DLG1: variants seen among roughly 807,000 people sequenced by gnomAD.
DLG1 encodes discs large MAGUK scaffold protein 1.
DLG1 carries 42 observed loss-of-function variants against 123.4 expected under a neutral mutation model. That is an observed-to-expected ratio of 0.34 (90% CI 0.27 to 0.44). The LOEUF (loss-of-function observed/expected upper bound fraction) is 0.44, where lower values mean the gene tolerates loss of function less well. Among genes scored for constraint, DLG1 ranks in the 20% least tolerant of loss-of-function variants. DLG1 has a pLI of 1.00. For missense variants in DLG1, 942 were observed against 1,082.6 expected, an observed-to-expected ratio of 0.87 and a Z score of 1.82; for synonymous variants, 317 against 356.2, an observed-to-expected ratio of 0.89 and a Z score of 1.24.
At chr3:197,258,353 A>C (rs894243338) in intron 4 of DLG1, among the ~76,000 whole-genome samples, 1 of 147,300 alleles carries the variant, frequency 6.8e-6, no homozygotes. Flanking sequence ...TGGTTTAGTC[A>C]TCACATCTCA....
At chr3:197,288,883 C>T (rs1047183555) in intron 3 of DLG1, among the ~76,000 whole-genome samples, 2 of 151,854 alleles carry the variant, frequency 1.3e-5, no homozygotes, top group Non-Finnish European at 2.9e-5. Context: ...TATACAAATA[C>T]AACTGCAGTA....
At chr3:197,290,434 TGACTATAG>T (rs1774265861) in intron 3 of DLG1, among the ~76,000 whole-genome samples, 1 of 151,976 alleles carries the variant, frequency 6.6e-6, no homozygotes, top group Non-Finnish European at 1.5e-5. Flanking sequence ...TAAAAAACAA[TGACTATAG>T]GATACAGAAT....
At position 197,065,783 on chromosome 3, in the gene DLG1, A is replaced by G. The variant is rs1216211511; in HGVS notation, c.2125T>C (p.Leu709=). ...EVNYTRPVII[L]GPMKDRINDD... ...TTTATCCTGTCTTTCATAGGTCCCAATATGATCACTGGTCGAGTATAATTA... is the reference window on the plus strand; with the variant it reads ...TTTATCCTGTCTTTCATAGGTCCCAGTATGATCACTGGTCGAGTATAATTA... The change falls in exon 21 of 25, where the codon TTG becomes CTG. Residue 709 remains leucine, a synonymous_variant. Coordinates refer to ENST00000667157, the MANE Select transcript of DLG1 (RefSeq NM_001366207.1). 5 of 1,606,690 alleles carry G rather than the reference A, an allele frequency of 3.1e-6. No individual in the cohort carries two copies. The highest frequency in any genetic ancestry group is 4.3e-6 in the Non-Finnish European group (5 of 1,174,588).
rs566776219 is a variant in DLG1 at position 197,144,837 on chromosome 3, G to T, written c.538-2069C>A. On this transcript the variant is annotated intron_variant, in intron 6 of 24. Coordinates refer to ENST00000667157, the MANE Select transcript of DLG1 (RefSeq NM_001366207.1). Reference sequence around the variant, plus strand: ...TTATAAAGGCATTTATATAGAGAGAGTTGGGATTTCACTCTGTTACCCAGG... The same window carrying T: ...TTATAAAGGCATTTATATAGAGAGATTTGGGATTTCACTCTGTTACCCAGG... 8.7e-4 allele frequency among the ~76,000 whole-genome samples: 132 copies of T among 152,296 alleles called. 1 individual carries two copies. Among genetic ancestry groups the T allele is most frequent in the African/African-American group, 3.1e-3 (127 of 41,556 alleles).
intron 4 of DLG1, among the ~76,000 whole-genome samples, chr3:197,249,633 C>T (rs182316579): frequency 1.3e-5 from 2 of 152,266 alleles, no homozygotes; most frequent in Non-Finnish European, 2.9e-5. Context: ...CAGGCCAATA[C>T]CACTGATTAT....
At chr3:197,289,910 T>A (rs530338359) in intron 3 of DLG1, among the ~76,000 whole-genome samples, 4 of 152,216 alleles carry the variant, frequency 2.6e-5, no homozygotes, top group Admixed American at 6.5e-5. Flanking sequence ...GAATCATACA[T>A]GACTCACAAG....
At chr3:197,278,850 A>G (rs964945611) in intron 4 of DLG1, among the ~76,000 whole-genome samples, 4 of 152,230 alleles carry the variant, frequency 2.6e-5, no homozygotes, top group African/African-American at 9.6e-5. Flanking sequence ...ACTTTTAGCA[A>G]AAATAATCCT....
intron 4 of DLG1, among the ~76,000 whole-genome samples, chr3:197,237,053 G>T (rs1746344038): frequency 6.6e-6 from 1 of 152,062 alleles, no homozygotes; most frequent in South Asian, 2.1e-4. Flanking sequence ...GCTCAGATCA[G>T]AATGTGGAAG....
At chr3:197,290,806 G>A (rs1156877885) in intron 3 of DLG1, among the ~76,000 whole-genome samples, 2 of 150,854 alleles carry the variant, frequency 1.3e-5, no homozygotes, top group Non-Finnish European at 2.9e-5. Context: ...CCTGAGGCAG[G>A]AGGATTGCTT....
chr3:197,173,762 T>C (rs1805537377), intron 5 of DLG1, among the ~76,000 whole-genome samples: 1 of 152,216 alleles, frequency 6.6e-6, no homozygotes, highest in Non-Finnish European at 1.5e-5. Flanking sequence ...AGTTCAAAAG[T>C]AGTCATACAC....
chr3:197,137,953 C>G (rs1268786145), intron 9 of DLG1, among the ~76,000 whole-genome samples: 1 of 146,466 alleles, frequency 6.8e-6, no homozygotes, highest in Non-Finnish European at 1.5e-5. Flanking sequence ...GCCAGGGTGA[C>G]AGGGCAAAAC....
At chr3:197,096,431 C>A (rs1388062171) in intron 14 of DLG1, among the ~76,000 whole-genome samples, 1 of 152,166 alleles carries the variant, frequency 6.6e-6, no homozygotes, top group South Asian at 2.1e-4. Flanking sequence ...ACTCCTGAAA[C>A]CAAGGCATTA....
At chr3:197,259,701 C>T (rs1488329014) in intron 4 of DLG1, among the ~76,000 whole-genome samples, 1 of 152,132 alleles carries the variant, frequency 6.6e-6, no homozygotes, top group Non-Finnish European at 1.5e-5. Flanking sequence ...GTGAAGCATG[C>T]TGCACTTTGA....
chr3:197,200,298 C>T (rs749412489), intron 4 of DLG1, among the ~76,000 whole-genome samples: 1 of 152,122 alleles, frequency 6.6e-6, no homozygotes, highest in African/African-American at 2.4e-5. Context: ...TCCCTATCTA[C>T]CCCTCAAATA....
chr3:197,240,889 A>G (rs1159057671), intron 4 of DLG1, among the ~76,000 whole-genome samples: 1 of 148,840 alleles, frequency 6.7e-6, no homozygotes, highest in Non-Finnish European at 1.5e-5. Flanking sequence ...GAAAAGCAAC[A>G]AAGATTGCCT....
chr3:197,057,079 CTT>C (rs1461728889), intron 23 of DLG1, among the ~76,000 whole-genome samples: 3 of 136,224 alleles, frequency 2.2e-5, no homozygotes, highest in Non-Finnish European at 4.8e-5. Context: ...GTTACTGACT[CTT>C]TGTTTTTTTT....
intron 11 of DLG1, among the ~76,000 whole-genome samples, chr3:197,129,349 C>T (rs553144124): frequency 3.9e-5 from 6 of 152,310 alleles, no homozygotes; most frequent in African/African-American, 1.4e-4. Flanking sequence ...CCCCTGCTAG[C>T]CTCACATTTC....
intron 4 of DLG1, among the ~76,000 whole-genome samples, chr3:197,228,942 C>T (rs1396846959): frequency 1.3e-5 from 2 of 152,052 alleles, no homozygotes; most frequent in African/African-American, 4.8e-5. Flanking sequence ...ATTGGTAGTA[C>T]GTTCAATGCT....
intron 4 of DLG1, among the ~76,000 whole-genome samples, chr3:197,204,260 T>C (rs1040663734): frequency 6.6e-6 from 1 of 152,246 alleles, no homozygotes; most frequent in African/African-American, 2.4e-5. Context: ...CTTTTTGTTC[T>C]TGACAACGGT....
Sources: gnomAD v4.1 joint callset for allele counts (sites outside exome capture counted in the v4.1 genomes callset) on GRCh38, gnomAD v4.1.1 for gene constraint, MANE v1.5 for transcripts, NCBI Gene and HGNC (gene_info 2026-07-23, HGNC 2026-07-21) for gene names.